The following RAPGEFL1 variants were observed in gnomAD, a reference collection of about 807,000 sequenced individuals.
RAPGEFL1 encodes rap guanine nucleotide exchange factor-like 1.
In RAPGEFL1, 31 loss-of-function variants were observed where a neutral mutation model predicts 64.4. The ratio of observed to expected loss-of-function variants is 0.48; its 90% CI spans 0.36 to 0.65. The LOEUF is 0.65. RAPGEFL1 is among the 30% of genes least tolerant of loss of function. The pLI is 0.00. For missense variants in RAPGEFL1, 682 were observed against 677.4 expected (o/e 1.01, Z -0.08); for synonymous variants, 331 against 274.1 (o/e 1.21, Z -2.05).
intron 1 of RAPGEFL1, among the ~76,000 whole-genome samples, chr17:40,180,122 G>A (rs897334859): frequency 1.7e-4 from 26 of 152,182 alleles, no homozygotes; most frequent in Non-Finnish European, 3.2e-4. Context: ...GGAATCCTGT[G>A]AGATAAAGTC....
rs549807707 is a variant in RAPGEFL1, at chr17:40,177,677, C to T, written c.-185C>T. The T allele has an allele frequency of 1.3e-4, 55 of 412,428 alleles. No homozygotes were observed. In the South Asian group the frequency reaches 5.4e-3, roughly 40 times the overall value. The allele number at this position is 412,428 out of a possible 1,614,324, so 25.5% of individuals were successfully genotyped here. On this transcript the variant is annotated 5_prime_UTR_variant, in exon 1 of 15. Transcript: ENST00000620260. ...GAGCACTCCTTTCCTCTGGCACCTCCCCCGGCTACTGGCCACTGGACTCTG... is the reference window on the plus strand; with the variant it reads ...GAGCACTCCTTTCCTCTGGCACCTCTCCCGGCTACTGGCCACTGGACTCTG...
intron 2 of RAPGEFL1, among the ~76,000 whole-genome samples, chr17:40,182,796 G>A (rs1176656590): frequency 2.0e-5 from 3 of 152,172 alleles, no homozygotes. Context: ...GTAAGCATGG[G>A]CCTCTCACAG....
intron 2 of RAPGEFL1, among the ~76,000 whole-genome samples, chr17:40,183,835 CTTTTTTTTTT>C (rs34505274): frequency 2.1e-4 from 12 of 56,874 alleles, no homozygotes; most frequent in African/African-American, 4.8e-4. Flanking sequence ...TTTTTTTTGC[CTTTTTTTTTT>C]TTTTTTTTTT....
chr17:40,179,334 G>A (rs902449491), intron 1 of RAPGEFL1, among the ~76,000 whole-genome samples: 2 of 152,178 alleles, frequency 1.3e-5, no homozygotes, highest in African/African-American at 2.4e-5. Flanking sequence ...CCAAAGTGCT[G>A]GGATTACAGG....
At chr17:40,186,436 C>T (rs1425201149) in intron 4 of RAPGEFL1, among the ~76,000 whole-genome samples, 20 of 149,182 alleles carry the variant, frequency 1.3e-4, no homozygotes, top group Admixed American at 1.0e-3. Context: ...GGCGCGGTGG[C>T]GGGCGCCTGC....
intron 2 of RAPGEFL1, among the ~76,000 whole-genome samples, chr17:40,183,691 T>C (rs1384143171): frequency 1.3e-5 from 2 of 150,366 alleles, no homozygotes; most frequent in South Asian, 2.1e-4. Context: ...AGCTAATTTT[T>C]TGTATTTTTA....
At chr17:40,189,969 AG>A (rs1450642269) in intron 6 of RAPGEFL1, among the ~76,000 whole-genome samples, 2 of 146,254 alleles carry the variant, frequency 1.4e-5, no homozygotes, top group Non-Finnish European at 3.0e-5. Flanking sequence ...AAAAAAAAAA[AG>A]TTTGGGAGGC....
chr17:40,178,938 T>C (rs1399520484), intron 1 of RAPGEFL1, among the ~76,000 whole-genome samples: 1 of 152,142 alleles, frequency 6.6e-6, no homozygotes, highest in East Asian at 1.9e-4. Context: ...GATAGTATTC[T>C]CCTTGGGCTG....
Position 40,191,489 on chromosome 17 carries a change from G to A in RAPGEFL1, c.1509G>A (p.Ala503=), listed in dbSNP as rs745904471. Residue 503 remains alanine, a synonymous_variant, in exon 9 of 15, where the codon GCG becomes GCA. Transcript: ENST00000620260. This position sits in a 1 kb window ranked among gnomAD's most constrained non-coding sequence, Gnocchi z 5.1. ...TGCTCAAGAAGTTCATCAAGATCGC[G>A]GCCCTGTGAGTGCGGCCGTCGGCGG... The part of the protein sequence containing the change: ...AQLLKKFIKI[A]ALCKQNQDLL... 2.5e-6 allele frequency: 4 copies of A among 1,603,844 alleles called. No homozygotes were observed. The highest frequency in any genetic ancestry group is 1.1e-5 in the South Asian group (1 of 89,980).
chr17:40,184,389 A>G (rs1041381907), intron 3 of RAPGEFL1, 40 bp downstream of exon 3: 1 of 1,550,160 alleles, frequency 6.5e-7, no homozygotes, highest in African/African-American at 1.4e-5. Context: ...ACAGGCTATT[A>G]GCTCTGGAAG....
At position 40,191,281 on chromosome 17, in the gene RAPGEFL1, GCGCCCTGGC is replaced by G. The variant is rs749469441; in HGVS notation, c.1336-29_1336-21del. 13 of 1,518,654 alleles carry G rather than the reference GCGCCCTGGC, an allele frequency of 8.6e-6. No individual in the cohort carries two copies. Among genetic ancestry groups the G allele is most frequent in the Admixed American group, 2.1e-5 (1 of 46,536 alleles). The allele number at this position is 1,518,654 out of a possible 1,614,324, so 94.1% of individuals were successfully genotyped here. ...TCCCACCCACTCCCCTCACCCCCTG[GCGCCCTGGC>G]CGCCCCTCCGCTGCCGTGGGTGCAG... On this transcript the variant is annotated intron_variant, in intron 8 of 14. Coordinates refer to ENST00000620260, the MANE Select transcript of RAPGEFL1 (RefSeq NM_016339.6). The surrounding 1 kb of genome is among the most constrained non-coding windows in gnomAD (Gnocchi z 5.1).
intron 1 of RAPGEFL1, among the ~76,000 whole-genome samples, chr17:40,180,555 C>T (rs1989863285): frequency 6.6e-6 from 1 of 152,102 alleles, no homozygotes; most frequent in African/African-American, 2.4e-5. Context: ...CAAGCAGCCC[C>T]CTCTGACCGC....
chr17:40,193,647 C>G lies in RAPGEFL1; in HGVS notation c.1865-17C>G, dbSNP rs367842831. 7 of 1,613,978 alleles carry G rather than the reference C, an allele frequency of 4.3e-6. No homozygotes were observed. In the African/African-American group the frequency reaches 8.0e-5, roughly 18 times the overall value. ...GGAAGCTGGGAACCTGACTGCCTCT[C>G]CCTCTTTACCCACTAGGCCTGGACA... On this transcript the variant is annotated splice_polypyrimidine_tract_variant and intron_variant, in intron 14 of 14. Transcript: ENST00000620260.
chr17:40,189,147 G>T, intron 5 of RAPGEFL1, 61 bp from the exon 6 acceptor site: 1 of 1,563,858 alleles, frequency 6.4e-7, no homozygotes, highest in Non-Finnish European at 8.8e-7. Context: ...CCCTGGAGGA[G>T]ACTGTGCCAG....
chr17:40,184,889 C>T (rs1283031574), intron 4 of RAPGEFL1, among the ~76,000 whole-genome samples: 1 of 152,168 alleles, frequency 6.6e-6, no homozygotes, highest in Non-Finnish European at 1.5e-5. Context: ...AAGTGATTCT[C>T]ATGCCTCAGC....
At chr17:40,190,903 C>G in intron 8 of RAPGEFL1, 141 bp downstream of exon 8, 2 of 1,336,092 alleles carry the variant, frequency 1.5e-6, no homozygotes, top group Non-Finnish European at 2.0e-6. Context: ...AACCTTTGTT[C>G]CCCCATCTGA....
intron 4 of RAPGEFL1, among the ~76,000 whole-genome samples, chr17:40,185,802 A>T (rs1253184116): frequency 6.7e-6 from 1 of 149,974 alleles, no homozygotes; most frequent in Non-Finnish European, 1.5e-5. Context: ...AAAAAAAAAA[A>T]AGAAAAGAAA....
intron 4 of RAPGEFL1, among the ~76,000 whole-genome samples, chr17:40,188,171 T>C (rs934753491): frequency 6.6e-6 from 1 of 152,018 alleles, no homozygotes; most frequent in Non-Finnish European, 1.5e-5. Flanking sequence ...CACCTCAGCT[T>C]CCCAAAGTGC....
At chr17:40,184,096 A>C (rs879353960) in intron 2 of RAPGEFL1, 118 bp from the exon 3 acceptor site, 5 of 800,942 alleles carry the variant, frequency 6.2e-6, no homozygotes, top group South Asian at 5.7e-5. Flanking sequence ...CGCCCGCCTC[A>C]GCTTCCCAAA....
Sources: allele counts gnomAD v4.1 joint callset (sites outside exome capture counted in the v4.1 genomes callset), GRCh38; gene constraint gnomAD v4.1.1; non-coding constraint Gnocchi (gnomAD v3.1); transcripts MANE v1.5; gene names NCBI Gene and HGNC (gene_info 2026-07-23, HGNC 2026-07-21).